Variants in ATL2 observed in about 807,000 individuals in gnomAD.
ATL2 encodes the protein atlastin GTPase 2.
A neutral mutation model predicts 73.9 loss-of-function variants in ATL2; 31 were observed. The observed-to-expected ratio is 0.42, with a 90% CI of 0.32 to 0.57. The LOEUF (loss-of-function observed/expected upper bound fraction) is 0.57. ATL2 is among the 20% of genes least tolerant of loss of function. ATL2 has a pLI of 0.14. For synonymous variants in ATL2, 291 were observed against 237.5 expected (o/e 1.23, Z -2.07); for missense variants, 738 against 702.6 (o/e 1.05, Z -0.57).
At chr2:38,335,289 C>G (rs1003719779) in intron 2 of ATL2, among the ~76,000 whole-genome samples, 1 of 149,880 alleles carries the variant, frequency 6.7e-6, no homozygotes. Flanking sequence ...AAAGACTTTA[C>G]AAAAATGTTC....
intron 1 of ATL2, chr2:38,376,104 G>A: frequency 6.7e-7 from 1 of 1,499,486 alleles, no homozygotes; most frequent in Non-Finnish European, 9.0e-7. Flanking sequence ...CTCTTATCTT[G>A]GCCGTACTTA....
intron 2 of ATL2, among the ~76,000 whole-genome samples, chr2:38,327,266 G>A (rs929426669): frequency 3.3e-5 from 5 of 151,938 alleles, no homozygotes; most frequent in Non-Finnish European, 5.9e-5. Context: ...CTTTTAGGTG[G>A]TTATAGTATA....
chr2:38,333,122 G>A (rs1014431414), intron 2 of ATL2, among the ~76,000 whole-genome samples: 15 of 152,074 alleles, frequency 9.9e-5, no homozygotes, highest in African/African-American at 3.6e-4. Flanking sequence ...CAGCACTTTG[G>A]GAAGCCAAAA....
chr2:38,302,289 C>G (rs1202952010), intron 9 of ATL2, among the ~76,000 whole-genome samples: 1 of 151,794 alleles, frequency 6.6e-6, no homozygotes, highest in African/African-American at 2.4e-5. Context: ...AGGAGAGTCT[C>G]CTGCTTGAGT....
chr2:38,303,274 T>C (rs143669033), intron 9 of ATL2, among the ~76,000 whole-genome samples: 3,013 of 152,240 alleles, frequency 0.02, 32 homozygotes, highest in Non-Finnish European at 0.029. Context: ...GGTGCAATCC[T>C]GGCTCACTGC....
chr2:38,353,101 A>G (rs1670452157), intron 1 of ATL2, among the ~76,000 whole-genome samples: 1 of 152,244 alleles, frequency 6.6e-6, no homozygotes, highest in Non-Finnish European at 1.5e-5. Context: ...TAGTCAAGAA[A>G]GAAAAGCAGT....
intron 2 of ATL2, among the ~76,000 whole-genome samples, chr2:38,322,818 G>A (rs968785375): frequency 2.0e-5 from 3 of 152,170 alleles, no homozygotes; most frequent in African/African-American, 4.8e-5. Context: ...GTTCAAGGCT[G>A]CAGTGAGCTA....
rs527650072 is a variant in ATL2 at position 38,361,080 on chromosome 2, G to A, written c.118+16063C>T. 5.1e-4 allele frequency among the ~76,000 whole-genome samples: 77 copies of A among 152,150 alleles called. 1 individual carries two copies. The highest frequency in any genetic ancestry group is 1.8e-3 in the African/African-American group (75 of 41,526). ...AAAAAATTAAATCAAGCAGCCAGGC[G>A]CGGTGGCTCATGCCTGTAATCCCAG... On this transcript the variant is annotated intron_variant, in intron 1 of 12. Transcript: ENST00000378954.
At chr2:38,296,358 C>CTATA (rs775295361) in intron 12 of ATL2, 30 of 1,485,262 alleles carry the variant, frequency 2.0e-5, no homozygotes, top group Non-Finnish European at 2.6e-5. Context: ...ATTCCATACC[C>CTATA]TATATGCAGC....
At chr2:38,327,540 CA>C (rs56332855) in intron 2 of ATL2, among the ~76,000 whole-genome samples, 46,710 of 89,902 alleles carry the variant, frequency 0.52, 10,197 homozygotes, top group African/African-American at 0.71. Flanking sequence ...AAAAAAAGTA[CA>C]AAAAAAAAAA....
intron 9 of ATL2, among the ~76,000 whole-genome samples, chr2:38,308,600 A>G (rs1667579791): frequency 6.6e-6 from 1 of 152,124 alleles, no homozygotes; most frequent in African/African-American, 2.4e-5. Context: ...AACAAAGAGT[A>G]TAATTGGATT....
chr2:38,332,341 G>C (rs1669048389), intron 2 of ATL2, among the ~76,000 whole-genome samples: 2 of 152,112 alleles, frequency 1.3e-5, no homozygotes, highest in Non-Finnish European at 2.9e-5. Context: ...TGTGTAGCTG[G>C]AACTACAGAT....
chr2:38,324,015 C>T (rs541859697), intron 2 of ATL2, among the ~76,000 whole-genome samples: 1 of 152,340 alleles, frequency 6.6e-6, no homozygotes, highest in East Asian at 1.9e-4. Flanking sequence ...GTGGCTCACG[C>T]CTGTAATCCC....
chr2:38,333,247 C>G (rs113493441), intron 2 of ATL2, among the ~76,000 whole-genome samples: 1,657 of 151,898 alleles, frequency 0.011, 34 homozygotes, highest in African/African-American at 0.038. Flanking sequence ...TGTGATTGTG[C>G]CTCTTCACTC....
chr2:38,330,791 T>G lies in ATL2; in HGVS notation c.364-11772A>C, dbSNP rs529166129. ...GTTAGACTTAATATTGTTAACACAGTAGTATTTCCCAAATTGATCTTTCAG... is the reference window on the plus strand; with the variant it reads ...GTTAGACTTAATATTGTTAACACAGGAGTATTTCCCAAATTGATCTTTCAG... On this transcript the variant is annotated intron_variant, in intron 2 of 12. Coordinates refer to ENST00000378954, the MANE Select transcript of ATL2 (RefSeq NM_001135673.4). 7.9e-4 allele frequency among the ~76,000 whole-genome samples: 120 copies of G among 152,370 alleles called. 1 individual carries two copies. The highest frequency in any genetic ancestry group is 1.4e-3 in the Non-Finnish European group (95 of 68,036).
intron 9 of ATL2, among the ~76,000 whole-genome samples, chr2:38,304,618 C>G (rs1319216403): frequency 6.6e-6 from 1 of 152,038 alleles, no homozygotes; most frequent in African/African-American, 2.4e-5. Flanking sequence ...GGTATACTAT[C>G]AATAGAAACA....
At chr2:38,323,578 A>G (rs760891557) in intron 2 of ATL2, among the ~76,000 whole-genome samples, 16 of 152,156 alleles carry the variant, frequency 1.1e-4, no homozygotes, top group Non-Finnish European at 1.8e-4. Flanking sequence ...TATAATTATC[A>G]GCAATTAAGA....
At chr2:38,333,311 T>C (rs184790239) in intron 2 of ATL2, among the ~76,000 whole-genome samples, 1 of 152,072 alleles carries the variant, frequency 6.6e-6, no homozygotes, top group African/African-American at 2.4e-5. Context: ...AATAATTTTT[T>C]AAAAAATGTA....
chr2:38,326,883 G>C (rs1668692607), intron 2 of ATL2, among the ~76,000 whole-genome samples: 1 of 152,228 alleles, frequency 6.6e-6, no homozygotes, highest in African/African-American at 2.4e-5. Flanking sequence ...AGGTACTTGG[G>C]AGGCTGAGGC....
Sources: allele counts gnomAD v4.1 joint callset (sites outside exome capture counted in the v4.1 genomes callset), GRCh38; gene constraint gnomAD v4.1.1; transcripts MANE v1.5; gene names NCBI Gene and HGNC (gene_info 2026-07-23, HGNC 2026-07-21).